DIAPH3: variants seen among roughly 807,000 people sequenced by gnomAD.
DIAPH3 encodes diaphanous related formin 3.
A neutral mutation model predicts 144.3 loss-of-function variants in DIAPH3; 117 were observed. The observed-to-expected ratio is 0.81, with a 90% CI of 0.70 to 0.95. The LOEUF (loss-of-function observed/expected upper bound fraction) is 0.95. Among genes scored for constraint, DIAPH3 ranks in the 40% least tolerant of loss-of-function variants. The pLI, the probability that DIAPH3 is intolerant of heterozygous loss-of-function variation, is 0.00. For synonymous variants in DIAPH3, 519 were observed against 488.9 expected (o/e 1.06, Z -0.81); for missense variants, 1,421 against 1,412.7 (o/e 1.01, Z -0.09).
chr13:59,948,379 A>G (rs747623313), intron 17 of DIAPH3, among the ~76,000 whole-genome samples: 9 of 152,182 alleles, frequency 5.9e-5, no homozygotes, highest in Non-Finnish European at 1.0e-4. Context: ...CTTGTGTCCA[A>G]GAAACCTGCT....
At chr13:59,806,452 A>T (rs341527) in intron 25 of DIAPH3, among the ~76,000 whole-genome samples, 102,434 of 151,772 alleles carry the variant, frequency 0.67, 34,942 homozygotes, top group Admixed American at 0.76. Context: ...TATAAATCTT[A>T]CCAACTTCTG....
At chr13:59,922,704 A>C (rs773968810) in intron 18 of DIAPH3, among the ~76,000 whole-genome samples, 7 of 152,114 alleles carry the variant, frequency 4.6e-5, no homozygotes, top group South Asian at 2.1e-4. Flanking sequence ...GGAGAAGAAT[A>C]ATCTTAAAAT....
intron 27 of DIAPH3, among the ~76,000 whole-genome samples, chr13:59,729,095 A>C (rs981014947): frequency 6.6e-6 from 1 of 152,230 alleles, no homozygotes; most frequent in Non-Finnish European, 1.5e-5. Context: ...CAAGACATTC[A>C]TGTGGCAAAG....
chr13:59,741,751 TA>T (rs1414982065), intron 27 of DIAPH3, among the ~76,000 whole-genome samples: 2 of 144,986 alleles, frequency 1.4e-5, no homozygotes, highest in African/African-American at 5.1e-5. Flanking sequence ...GGTTACAAAA[TA>T]CAACTTTTAA....
chr13:60,102,846 A>G (rs1261756065), intron 3 of DIAPH3, among the ~76,000 whole-genome samples: 1 of 152,158 alleles, frequency 6.6e-6, no homozygotes, highest in Non-Finnish European at 1.5e-5. Flanking sequence ...TTCATCATCT[A>G]TTCCAAACTT....
chr13:59,924,567 CTCT>C (rs1214850393), intron 18 of DIAPH3, among the ~76,000 whole-genome samples: 6 of 151,090 alleles, frequency 4.0e-5, no homozygotes, highest in East Asian at 1.9e-4. Flanking sequence ...ATTTTAAAAC[CTCT>C]TCTTATTTGT....
At chr13:59,782,282 G>T (rs1204488288) in intron 25 of DIAPH3, among the ~76,000 whole-genome samples, 1 of 152,164 alleles carries the variant, frequency 6.6e-6, no homozygotes, top group Non-Finnish European at 1.5e-5. Flanking sequence ...AGGAAGAGGG[G>T]TAATCCACAC....
chr13:59,821,007 A>G (rs1261925039), intron 24 of DIAPH3, among the ~76,000 whole-genome samples: 1 of 151,974 alleles, frequency 6.6e-6, no homozygotes, highest in South Asian at 2.1e-4. Context: ...AATCATTTGA[A>G]AAAAAGTTGA....
intron 27 of DIAPH3, among the ~76,000 whole-genome samples, chr13:59,728,972 G>A (rs1566231110): frequency 1.3e-5 from 2 of 151,812 alleles, no homozygotes; most frequent in African/African-American, 4.9e-5. Flanking sequence ...TGTGCACCAC[G>A]AAGCCTCCTA....
chr13:59,960,652 C>T (rs2049702306), intron 17 of DIAPH3, among the ~76,000 whole-genome samples: 1 of 151,940 alleles, frequency 6.6e-6, no homozygotes, highest in Non-Finnish European at 1.5e-5. Context: ...ATGTAAATAA[C>T]TGTCAAAAAT....
chr13:59,771,175 A>T (rs561029589), intron 27 of DIAPH3, among the ~76,000 whole-genome samples: 15 of 152,222 alleles, frequency 9.9e-5, no homozygotes, highest in African/African-American at 3.6e-4. Flanking sequence ...CTCTATATAT[A>T]AAAAGAAACC....
At position 59,666,494 on chromosome 13, in the gene DIAPH3, CACTT is replaced by C; in HGVS notation, c.*86_*89del. 2.1e-6 allele frequency: 3 copies of C among 1,426,042 alleles called. No homozygotes were observed. In the South Asian group the frequency reaches 3.9e-5, roughly 18 times the overall value. The allele number at this position is 1,426,042 out of a possible 1,614,324, so 88.3% of individuals were successfully genotyped here. On this transcript the variant is annotated 3_prime_UTR_variant, in exon 28 of 28. Transcript: ENST00000400324. ...ATCATAATTTAAAACTATATAAAGT[CACTT>C]ACATAAAAGCAATTTTTTCAAGTGT...
intron 25 of DIAPH3, among the ~76,000 whole-genome samples, chr13:59,789,394 A>G (rs894836197): frequency 2.0e-5 from 3 of 152,032 alleles, no homozygotes; most frequent in Admixed American, 6.6e-5. Context: ...CATTGAAAAT[A>G]TATTAGGATT....
chr13:60,072,091 A>G (rs2057229792), intron 4 of DIAPH3, among the ~76,000 whole-genome samples: 1 of 152,166 alleles, frequency 6.6e-6, no homozygotes, highest in Non-Finnish European at 1.5e-5. Context: ...GTTACCTTCC[A>G]CATGGGCCCT....
rs190460342 is a variant in DIAPH3, at chr13:59,908,293, G to A, written c.2367+3442C>T. Among the ~76,000 whole-genome samples, 155 of 137,924 alleles carry A rather than the reference G, an allele frequency of 1.1e-3. 1 individual carries two copies. Among genetic ancestry groups the A allele is most frequent in the Non-Finnish European group, 2.0e-3 (132 of 65,776 alleles). The allele number at this position is 137,924 out of a possible 152,430, so 90.5% of individuals were successfully genotyped here. On this transcript the variant is annotated intron_variant, in intron 20 of 27. Transcript: ENST00000400324. ...GGTAGCTGAGGCAGGGGAATCGCTT[G>A]AACCCAGGAGGCGGTTGCAGTGAGC...
intron 13 of DIAPH3, 34 bp from the exon 14 acceptor site, chr13:59,980,893 A>C (rs1477750975): frequency 1.9e-6 from 3 of 1,539,376 alleles, no homozygotes; most frequent in African/African-American, 2.7e-5. Context: ...TTTTAATGTG[A>C]AACTTCTTAA....
chr13:59,823,766 G>A (rs1662067891), intron 24 of DIAPH3, among the ~76,000 whole-genome samples: 1 of 152,154 alleles, frequency 6.6e-6, no homozygotes, highest in South Asian at 2.1e-4. Flanking sequence ...TCAAATTTGT[G>A]TAATCTAAAT....
intron 1 of DIAPH3, among the ~76,000 whole-genome samples, chr13:60,158,606 G>T (rs574601904): frequency 6.6e-6 from 1 of 152,172 alleles, no homozygotes; most frequent in Admixed American, 6.5e-5. Context: ...CCCAGGCAGA[G>T]GTTGCTTGAA....
At position 60,078,127 on chromosome 13, in the gene DIAPH3, T is replaced by C. The variant is rs564230019; in HGVS notation, c.495+15501A>G. ...GTGAATAATGAAGAATTCACAAAAG[T>C]AATACTCTTTTAAGGATTTATTTTG... is the stretch of plus-strand genomic sequence containing the variant. On this transcript the variant is annotated intron_variant, in intron 4 of 27. Transcript: ENST00000400324. 3.9e-5 allele frequency among the ~76,000 whole-genome samples: 6 copies of C among 152,212 alleles called. No individual in the cohort carries two copies. The East Asian group carries it at 7.7e-4, about 20-fold the overall frequency.
Sources: gnomAD v4.1 joint callset for allele counts (sites outside exome capture counted in the v4.1 genomes callset) on GRCh38, gnomAD v4.1.1 for gene constraint, MANE v1.5 for transcripts, NCBI Gene and HGNC (gene_info 2026-07-23, HGNC 2026-07-21) for gene names.